The following TMEM260 variants were observed in gnomAD, a reference collection of about 807,000 sequenced individuals.
The protein encoded by TMEM260 is protein O-mannosyl-transferase TMEM260.
TMEM260 carries 82 observed loss-of-function variants against 88.9 expected under a neutral mutation model. The ratio of observed to expected loss-of-function variants is 0.92; its 90% CI spans 0.77 to 1.11. The LOEUF (loss-of-function observed/expected upper bound fraction) is 1.11. Ranked by LOEUF, TMEM260 falls within the 50% of genes least tolerant of loss-of-function variation. The probability of loss-of-function intolerance (pLI) is 0.00; values close to 1 mark genes in which losing one functional copy is unlikely to be tolerated. For missense variants in TMEM260, 902 were observed against 853.4 expected (o/e 1.06, Z -0.71); for synonymous variants, 314 against 309.3 (o/e 1.02, Z -0.16).
chr14:56,617,906 G>GTAATAA (rs2139590076), intron 9 of TMEM260, among the ~76,000 whole-genome samples: 1 of 152,292 alleles, frequency 6.6e-6, no homozygotes, highest in African/African-American at 2.4e-5. Flanking sequence ...ACGGGTGGGA[G>GTAATAA]AATCACTTTT....
In TMEM260 at chr14:56,615,980, C is replaced by G. The variant is rs748970453; in HGVS notation, c.894C>G (p.Phe298Leu). The G allele has an allele frequency of 3.1e-6, 5 of 1,613,192 alleles. No homozygotes were observed. The highest frequency in any genetic ancestry group is 3.3e-5 in the Admixed American group (2 of 59,996). The change falls in exon 8 of 16, where the codon TTC (phenylalanine) becomes TTG (leucine). Residue 298 changes from phenylalanine (F) to leucine (L), a missense_variant. By Grantham distance (22) the Phe-to-Leu change is conservative (BLOSUM62 0). Transcript: ENST00000261556. ...QVTNMRTELS[F>L]NIQALAVCAN... Reference sequence around the variant, plus strand: ...CAAATATGAGGACCGAACTCTCATTCAACATCCAAGCCCTTGCAGTTTGTG... The same window carrying G: ...CAAATATGAGGACCGAACTCTCATTGAACATCCAAGCCCTTGCAGTTTGTG...
At position 56,630,754 on chromosome 14, in the gene TMEM260, A is replaced by AT. The variant is rs535567169; in HGVS notation, c.1548-2239dup. On this transcript the variant is annotated intron_variant, in intron 12 of 15. Transcript: ENST00000261556. ...TTCTTCATATGCCTAGTAATTTTGG[A>AT]TTGTATCCTGGACATTTTGAATATT... is the stretch of plus-strand genomic sequence containing the variant. Among the ~76,000 whole-genome samples the AT allele has an allele frequency of 2.6e-5, 4 of 152,084 alleles. 1 individual carries two copies. In the South Asian group the frequency reaches 8.3e-4, roughly 32 times the overall value.
chr14:56,604,934 C>T (rs978488483), intron 4 of TMEM260, among the ~76,000 whole-genome samples: 1 of 152,134 alleles, frequency 6.6e-6, no homozygotes, highest in African/African-American at 2.4e-5. Context: ...CAGACTTCAC[C>T]TAGGGAATGG....
chr14:56,633,339 C>G (rs534803942), intron 13 of TMEM260, 168 bp downstream of exon 13: 3 of 536,784 alleles, frequency 5.6e-6, no homozygotes, highest in South Asian at 4.9e-5. Context: ...ACATGTCCTT[C>G]TCGTTCTCCT....
rs889815482 is a variant in TMEM260 at position 56,649,131 on chromosome 14, G to C, written c.*1634G>C. The stretch of plus-strand genomic sequence containing the variant: ...TGTCAATAGTTGTAACAGTTCAGCT[G>C]TTAGGAAGACAAATAAATGGAGGAG... On this transcript the variant is annotated 3_prime_UTR_variant, in exon 16 of 16. Coordinates refer to ENST00000261556, the MANE Select transcript of TMEM260 (RefSeq NM_017799.4). 6.6e-6 allele frequency: 1 copy of C among 152,634 alleles called. No individual in the cohort carries two copies. The highest frequency in any genetic ancestry group is 2.1e-4 in the South Asian group (1 of 4,830). The allele number at this position is 152,634 out of a possible 1,614,324, so 9.5% of individuals were successfully genotyped here.
At chr14:56,654,161 T>G (rs1482570219), downstream of TMEM260, among the ~76,000 whole-genome samples, 1 of 152,212 alleles carries the variant, frequency 6.6e-6, no homozygotes, top group Non-Finnish European at 1.5e-5. Context: ...CTTTTAGACG[T>G]GGATAGTTAT....
chr14:56,632,106 G>C (rs1319958161), intron 12 of TMEM260, among the ~76,000 whole-genome samples: 3 of 152,178 alleles, frequency 2.0e-5, no homozygotes, highest in African/African-American at 4.8e-5. Context: ...TGCATGCTCA[G>C]CTCAGAGATA....
In TMEM260 at chr14:56,596,406, G is replaced by GTGTGTGTA. The variant is rs1290307932; in HGVS notation, c.345-7408_345-7407insGTGTGTAT. Among the ~76,000 whole-genome samples, 153 of 111,322 alleles carry GTGTGTGTA rather than the reference G, an allele frequency of 1.4e-3. 1 individual carries two copies. The highest frequency in any genetic ancestry group is 6.4e-3 in the East Asian group (27 of 4,244). 73.0% of individuals were successfully genotyped at this position (111,322 alleles called of 152,430 possible). On this transcript the variant is annotated intron_variant, in intron 3 of 15. Transcript: ENST00000261556. ...AGTGTGTGTGTGTGTGTGTGTGTGT[G>GTGTGTGTA]TATATATATATATATATATACATAC...
chr14:56,636,749 C>T (rs951733162), intron 15 of TMEM260, 151 bp downstream of exon 15: 1 of 673,892 alleles, frequency 1.5e-6, no homozygotes, highest in Non-Finnish European at 2.5e-6. Context: ...ATGAACAAAT[C>T]CTCAGTTGTA....
downstream of TMEM260, chr14:56,650,213 G>A: frequency 5.2e-6 from 2 of 386,476 alleles, no homozygotes; most frequent in Non-Finnish European, 1.0e-5. Context: ...GGTTTGGCAG[G>A]AAGACAGGAA....
At chr14:56,662,946 G>A in the TMEM260 span, among the ~76,000 whole-genome samples, 2 of 152,152 alleles carry the variant, frequency 1.3e-5, no homozygotes, top group Non-Finnish European at 2.9e-5. Flanking sequence ...TGACCAAGAT[G>A]GAGAAACCCC....
chr14:56,652,566 TA>T (rs1393267538), downstream of TMEM260, among the ~76,000 whole-genome samples: 2 of 151,920 alleles, frequency 1.3e-5, no homozygotes, highest in Non-Finnish European at 2.9e-5. Context: ...ACAGAAACTT[TA>T]AAGAGGATTG....
chr14:56,589,685 A>ATT (rs1189142205), intron 3 of TMEM260, among the ~76,000 whole-genome samples: 1 of 152,196 alleles, frequency 6.6e-6, no homozygotes, highest in Non-Finnish European at 1.5e-5. Context: ...ATCCTTAAAT[A>ATT]TCTTCTGGCA....
At chr14:56,595,352 A>G (rs1278274703) in intron 3 of TMEM260, among the ~76,000 whole-genome samples, 1 of 152,222 alleles carries the variant, frequency 6.6e-6, no homozygotes, top group South Asian at 2.1e-4. Flanking sequence ...GTTTGGCTCA[A>G]TAAAATATAA....
At chr14:56,580,157 G>A (rs1034801309) in intron 1 of TMEM260, 83 bp downstream of exon 1, 14 of 1,177,910 alleles carry the variant, frequency 1.2e-5, no homozygotes, top group African/African-American at 3.2e-5. Context: ...CCCTGCTCTT[G>A]GCATTCGGTC....
chr14:56,645,244 CAATGTCCAACA>C (rs1889877593), intron 15 of TMEM260, among the ~76,000 whole-genome samples: 1 of 149,296 alleles, frequency 6.7e-6, no homozygotes, highest in African/African-American at 2.4e-5. Context: ...GGAACCAACC[CAATGTCCAACA>C]AAGATAGACT....
At chr14:56,631,863 G>C (rs1888631666) in intron 12 of TMEM260, among the ~76,000 whole-genome samples, 1 of 152,152 alleles carries the variant, frequency 6.6e-6, no homozygotes, top group African/African-American at 2.4e-5. Flanking sequence ...TTTTCCTGGT[G>C]CTGTCTGTGA....
chr14:56,650,155 C>T, downstream of TMEM260: 1 of 446,606 alleles, frequency 2.2e-6, no homozygotes, highest in South Asian at 1.6e-5. Flanking sequence ...GAGGTGACTT[C>T]TCATGCAAGA....
intron 10 of TMEM260, among the ~76,000 whole-genome samples, chr14:56,620,185 G>A (rs1206341766): frequency 6.6e-6 from 1 of 152,138 alleles, no homozygotes; most frequent in African/African-American, 2.4e-5. Flanking sequence ...AATAACTATT[G>A]TGTGCCAGGC....
Sources: allele counts gnomAD v4.1 joint callset (sites outside exome capture counted in the v4.1 genomes callset), GRCh38; gene constraint gnomAD v4.1.1; transcripts MANE v1.5; gene names NCBI Gene and HGNC (gene_info 2026-07-23, HGNC 2026-07-21).